The following FLNC variants were observed in gnomAD, a reference collection of about 807,000 sequenced individuals.
FLNC encodes filamin-C.
A neutral mutation model predicts 254.3 loss-of-function variants in FLNC; 91 were observed. The ratio of observed to expected loss-of-function variants is 0.36; its 90% confidence interval spans 0.30 to 0.43. The LOEUF is 0.43. FLNC is among the 20% of genes least tolerant of loss of function. FLNC has a pLI of 1.00. For missense variants in FLNC, 2,853 were observed against 3,802.6 expected, an observed-to-expected ratio of 0.75 and a Z score of 6.57; for synonymous variants, 1,430 against 1,577.2, an observed-to-expected ratio of 0.91 and a Z score of 2.21.
intron 11 of FLNC, 26 bp downstream of exon 11, chr7:128,840,996 G>T: frequency 6.3e-7 from 1 of 1,579,906 alleles, no homozygotes. Context: ...GCAGGAGGAG[G>T]GAGTGCTGCG....
rs1026201839 is a variant in FLNC at position 128,854,657 on chromosome 7, G to A, written c.6972G>A (p.Leu2324=). ...AGGTGCGGGCCGGAGGCACAGGGCT[G>A]GAGCGAGGTGTGGCCGGCGTGCCAG... ...AHKVRAGGTG[L]ERGVAGVPAE... Residue 2324 remains leucine, a synonymous_variant, in exon 41 of 48, where the codon CTG becomes CTA. Coordinates refer to ENST00000325888, the MANE Select transcript of FLNC (RefSeq NM_001458.5). The A allele has an allele frequency of 6.8e-6, 11 of 1,612,576 alleles. No homozygotes were observed. The highest frequency in any genetic ancestry group is 1.3e-5 in the African/African-American group (1 of 75,062).
At chr7:128,850,177 C>T (rs1808748849) in intron 31 of FLNC, 103 bp downstream of exon 31, 1 of 1,101,382 alleles carries the variant, frequency 9.1e-7, no homozygotes, top group African/African-American at 1.5e-5. Flanking sequence ...CTGGGGGCCT[C>T]TTGGGGAGCA....
rs147286298 is a variant in FLNC, at chr7:128,841,048, C to T, written c.1813+78C>T. ...GACACTGTGGGTAATGGGTGCAGTG[C>T]GCATGCTGGGGAGCGCTGGGGTGAG... On this transcript the variant is annotated intron_variant, in intron 11 of 47. Coordinates refer to ENST00000325888, the MANE Select transcript of FLNC (RefSeq NM_001458.5). The surrounding 1 kb of genome is among the most constrained non-coding windows in gnomAD (Gnocchi z 4.3). The T allele has an allele frequency of 6.5e-4, 1,022 of 1,562,768 alleles. 7 individuals are homozygous for T. The South Asian group carries it at 0.011, about 16-fold the overall frequency.
At chr7:128,840,181 T>C (rs780144889) in intron 9 of FLNC, 21 bp downstream of exon 9, 1 of 1,612,886 alleles carries the variant, frequency 6.2e-7, no homozygotes, top group East Asian at 2.2e-5. Flanking sequence ...GAGCCCAGGG[T>C]CGTGAGGGTG....
At position 128,856,490 on chromosome 7, in the gene FLNC, G is replaced by A. The variant is rs766523795; in HGVS notation, c.7252-28G>A. 1 of 1,609,058 alleles carries A rather than the reference G, an allele frequency of 6.2e-7. No homozygotes were observed. Among genetic ancestry groups the A allele is most frequent in the Non-Finnish European group, 8.5e-7 (1 of 1,179,998 alleles). Reference sequence around the variant, plus strand: ...CTGCTCCAGCCCCGGCCTCCCAGGAGTCTGAGCATCCTCCGTGGCCTTTGC... The same window carrying A: ...CTGCTCCAGCCCCGGCCTCCCAGGAATCTGAGCATCCTCCGTGGCCTTTGC... On this transcript the variant is annotated intron_variant, in intron 43 of 47. Transcript: ENST00000325888. This position sits in a 1 kb window ranked among gnomAD's most constrained non-coding sequence, Gnocchi z 5.9.
Position 128,858,758 on chromosome 7 carries a change from CG to C in FLNC, c.*236del, listed in dbSNP as rs1338391034. Reference sequence around the variant, plus strand: ...CTCCCTGGGAATGTGACATGAGGGCCGACTGGGGCCAGGCTCAGGGGCAGAG... The same window carrying C: ...CTCCCTGGGAATGTGACATGAGGGCCACTGGGGCCAGGCTCAGGGGCAGAG... On this transcript the variant is annotated 3_prime_UTR_variant, in exon 48 of 48. Coordinates refer to ENST00000325888, the MANE Select transcript of FLNC (RefSeq NM_001458.5). This position sits in a 1 kb window ranked among gnomAD's most constrained non-coding sequence, Gnocchi z 6.7. 5.3e-6 allele frequency: 3 copies of C among 567,512 alleles called. No homozygotes were observed. In the Admixed American group the frequency reaches 9.0e-5, roughly 17 times the overall value. The allele number at this position is 567,512 out of a possible 1,614,324, so 35.2% of individuals were successfully genotyped here. A position where few individuals can be genotyped will look rare whatever the true frequency, so the allele number is the denominator to read the frequency against.
chr7:128,841,710 C>T lies in FLNC; in HGVS notation c.2121+143C>T. On this transcript the variant is annotated intron_variant, in intron 13 of 47. Coordinates refer to ENST00000325888, the MANE Select transcript of FLNC (RefSeq NM_001458.5). The surrounding 1 kb of genome is among the most constrained non-coding windows in gnomAD (Gnocchi z 4.3). ...GCAGGACTGATACTCATGGGCCCAT[C>T]AGTACCATGGAAAATTTTAAATTTT... 1.4e-6 allele frequency: 1 copy of T among 696,246 alleles called. No individual in the cohort carries two copies. Among genetic ancestry groups the T allele is most frequent in the Non-Finnish European group, 2.6e-6 (1 of 385,646 alleles). 43.1% of individuals were successfully genotyped at this position (696,246 alleles called of 1,614,324 possible). A position where few individuals can be genotyped will look rare whatever the true frequency, so the allele number is the denominator to read the frequency against.
In FLNC at chr7:128,842,482, T is replaced by A; in HGVS notation, c.2266-93T>A. 2 of 1,580,196 alleles carry A rather than the reference T, an allele frequency of 1.3e-6. No homozygotes were observed. The highest frequency in any genetic ancestry group is 1.7e-6 in the Non-Finnish European group (2 of 1,162,848). On this transcript the variant is annotated intron_variant, in intron 14 of 47. Transcript: ENST00000325888. The surrounding 1 kb of genome is among the most constrained non-coding windows in gnomAD (Gnocchi z 5.4). ...CTGGGCTCAGGCTGGGACTGAGGCT[T>A]GGGCTGGTGCCACTGAGGCTGGGCC...
rs1585170075 is a variant in FLNC, at chr7:128,854,785, C to T, written c.7008C>T (p.Ser2336=). The T allele has an allele frequency of 6.2e-7, 1 of 1,614,150 alleles. No homozygotes were observed. The highest frequency in any genetic ancestry group is 8.5e-7 in the Non-Finnish European group (1 of 1,180,044). The part of the protein sequence containing the change: ...RGVAGVPAEF[S]IWTREAGAGG... ...CTTGCCTGTCCCCAGCCGAGTTCAGCATCTGGACCCGGGAGGCTGGCGCTG... is the reference window on the plus strand; with the variant it reads ...CTTGCCTGTCCCCAGCCGAGTTCAGTATCTGGACCCGGGAGGCTGGCGCTG... Residue 2336 remains serine, a synonymous_variant, in exon 42 of 48, where the codon AGC becomes AGT. Coordinates refer to ENST00000325888, the MANE Select transcript of FLNC (RefSeq NM_001458.5).
rs750350780 is a variant in FLNC, at chr7:128,838,687, G to T, written c.1295G>T (p.Gly432Val). 2 of 1,613,046 alleles carry T rather than the reference G, an allele frequency of 1.2e-6. No homozygotes were observed. Among genetic ancestry groups the T allele is most frequent in the Non-Finnish European group, 1.7e-6 (2 of 1,180,002 alleles). Reference sequence around the variant, plus strand: ...GTGGAGGTGGCCCTGGAGGACAAGGGTGACAGCACGTTCCGCTGCACATAC... The same window carrying T: ...GTGGAGGTGGCCCTGGAGGACAAGGTTGACAGCACGTTCCGCTGCACATAC... ...DTVEVALEDK[G>V]DSTFRCTYRP... is the part of the protein sequence containing the mutation. The change falls in exon 8 of 48, where the codon GGT becomes GTT. Residue 432 changes from glycine (G) to valine (V), a missense_variant. This residue lies in a region of FLNC where 1,573 missense variants were observed against 1,883.5 expected (regional missense o/e 0.84). Coordinates refer to ENST00000325888, the MANE Select transcript of FLNC (RefSeq NM_001458.5).
At position 128,836,142 on chromosome 7, in the gene FLNC, G is replaced by A. The variant is rs1392757172; in HGVS notation, c.601+568G>A. On this transcript the variant is annotated intron_variant, in intron 2 of 47. Transcript: ENST00000325888. This position sits in a 1 kb window ranked among gnomAD's most constrained non-coding sequence, Gnocchi z 6.0. The stretch of plus-strand genomic sequence containing the variant: ...GCCAGCCTTGCCCCTTCTCCGTGTA[G>A]GTCCTGGCCTGGTCAAGTGGGGACA... Among the ~76,000 whole-genome samples the A allele has an allele frequency of 1.3e-5, 2 of 152,228 alleles. No homozygotes were observed. The highest frequency in any genetic ancestry group is 4.8e-5 in the African/African-American group (2 of 41,474).
intron 24 of FLNC, 97 bp downstream of exon 24, chr7:128,847,002 T>C (rs1808596020): frequency 3.4e-6 from 5 of 1,490,324 alleles, no homozygotes; most frequent in Non-Finnish European, 4.6e-6. Context: ...TGGGTAAGAA[T>C]GTTCATAGAG....
At chr7:128,851,805 A>G (rs1004972469) in intron 35 of FLNC, among the ~76,000 whole-genome samples, 177 bp downstream of exon 35, 1 of 152,246 alleles carries the variant, frequency 6.6e-6, no homozygotes, top group Non-Finnish European at 1.5e-5. Context: ...GGCAGCTAAG[A>G]AGCAGTCAGC....
chr7:128,852,600 C>T lies in FLNC; in HGVS notation c.5852C>T (p.Ser1951Phe). Residue 1951 changes from serine to phenylalanine, a missense_variant, in exon 36 of 48, where the codon TCC becomes TTC. Ser to Phe is a radical substitution (Grantham distance 155). Around this residue, in one of 10 missense-constraint regions of FLNC, gnomAD observed 551 missense variants for 835.0 expected, o/e 0.66. Coordinates refer to ENST00000325888, the MANE Select transcript of FLNC (RefSeq NM_001458.5). ...PFTAKITGDD[S>F]MRTSQLNVGT... ...CCAACTCCCCCACCAGGTGATGACT[C>T]CATGAGGACCTCACAGCTGAATGTG... is the stretch of plus-strand genomic sequence containing the variant. 6.2e-7 allele frequency: 1 copy of T among 1,613,260 alleles called. No homozygotes were observed. Among genetic ancestry groups the T allele is most frequent in the Non-Finnish European group, 8.5e-7 (1 of 1,180,014 alleles).
intron 43 of FLNC, among the ~76,000 whole-genome samples, chr7:128,855,848 A>G (rs537808391): frequency 6.6e-6 from 1 of 152,310 alleles, no homozygotes; most frequent in South Asian, 2.1e-4. Context: ...GAAGGCTTTC[A>G]GCAAGTCACA....
intron 1 of FLNC, 29 bp downstream of exon 1, chr7:128,831,018 C>T (rs747279585): frequency 8.9e-5 from 142 of 1,596,024 alleles, no homozygotes; most frequent in Non-Finnish European, 1.2e-4. Context: ...GGCACGGGCG[C>T]TGCGGGGATA....
chr7:128,843,056 A>G, intron 16 of FLNC, 102 bp downstream of exon 16: 1 of 1,474,744 alleles, frequency 6.8e-7, no homozygotes, highest in Non-Finnish European at 9.4e-7. Flanking sequence ...TTCCGCAGAC[A>G]TGGTGGAGCC....
Position 128,844,923 on chromosome 7 carries a change from T to G in FLNC, c.3458T>G (p.Phe1153Cys), listed in dbSNP as rs138663492. The stretch of plus-strand genomic sequence containing the variant: ...TTCAAAGCCACCATTCGGCCTGTGT[T>G]TGACCCGAGCAAGGTGCGGGCCAGT... ...SPFKATIRPVFDPSKVRASGP... is the reference protein window; with the variant it reads ...SPFKATIRPVCDPSKVRASGP... The change falls in exon 21 of 48, where the codon TTT becomes TGT. Residue 1153 changes from phenylalanine (F) to cysteine (C), a missense_variant. This residue lies in a region of FLNC where 1,573 missense variants were observed against 1,883.5 expected (regional missense o/e 0.84). Coordinates refer to ENST00000325888, the MANE Select transcript of FLNC (RefSeq NM_001458.5). 4.5e-5 allele frequency: 73 copies of G among 1,613,928 alleles called. No homozygotes were observed. Among genetic ancestry groups the G allele is most frequent in the Middle Eastern group, 1.6e-4 (1 of 6,062 alleles).
Position 128,830,798 on chromosome 7 carries a change from G to T in FLNC, c.161G>T (p.Gly54Val), listed in dbSNP as rs1032152678. The T allele has an allele frequency of 6.2e-7, 1 of 1,613,070 alleles. No homozygotes were observed. The highest frequency in any genetic ancestry group is 1.1e-5 in the South Asian group (1 of 91,066). Residue 54 changes from glycine to valine, a missense_variant, in exon 1 of 48, where the codon GGC becomes GTC. Transcript: ENST00000325888. ...RWCNEHLKCV[G>V]KRLTDLQRDL... ...TGCAATGAGCACCTCAAGTGCGTGG[G>T]CAAGCGCCTGACCGACCTGCAGCGC...
Sources: allele counts gnomAD v4.1 joint callset (sites outside exome capture counted in the v4.1 genomes callset), GRCh38; gene constraint gnomAD v4.1.1; regional missense constraint gnomAD v4.1.1; non-coding constraint Gnocchi (gnomAD v3.1); transcripts MANE v1.5; gene names NCBI Gene and HGNC (gene_info 2026-07-23, HGNC 2026-07-21).